CLPB: variants seen among roughly 807,000 people sequenced by gnomAD.
CLPB encodes ClpB family mitochondrial disaggregase, also known as mitochondrial disaggregase.
In CLPB, 40 loss-of-function variants were observed where a neutral mutation model predicts 78.4. The ratio of observed to expected loss-of-function variants is 0.51; its 90% CI spans 0.40 to 0.66. CLPB has a LOEUF of 0.66. Ranked by LOEUF, CLPB falls within the 30% of genes least tolerant of loss-of-function variation. The pLI, the probability that CLPB is intolerant of heterozygous loss-of-function variation, is 0.00. For synonymous variants in CLPB, 333 were observed against 348.0 expected (o/e 0.96, Z 0.48); for missense variants, 780 against 886.9 (o/e 0.88, Z 1.53).
chr11:72,401,588 T>A (rs1855563483), intron 3 of CLPB, among the ~76,000 whole-genome samples: 1 of 152,180 alleles, frequency 6.6e-6, no homozygotes, highest in South Asian at 2.1e-4. Flanking sequence ...TACAGCTAAG[T>A]CTCTCAGTCA....
intron 3 of CLPB, among the ~76,000 whole-genome samples, chr11:72,399,810 T>A (rs1025191807): frequency 5.9e-5 from 9 of 152,212 alleles, no homozygotes; most frequent in African/African-American, 9.6e-5. Context: ...TCAAAGGTGG[T>A]AGCATTTCAG....
At chr11:72,347,062 G>T (rs1950530200) in intron 5 of CLPB, among the ~76,000 whole-genome samples, 1 of 151,882 alleles carries the variant, frequency 6.6e-6, no homozygotes, top group Non-Finnish European at 1.5e-5. Context: ...GAGGGAAAGG[G>T]GTTCTTGCTT....
chr11:72,391,202 T>A (rs1488714523), intron 3 of CLPB, among the ~76,000 whole-genome samples: 1 of 152,094 alleles, frequency 6.6e-6, no homozygotes, highest in African/African-American at 2.4e-5. Flanking sequence ...AACAATGAAC[T>A]CCCTGCAGTA....
At chr11:72,322,313 G>T (rs1950058298) in intron 6 of CLPB, among the ~76,000 whole-genome samples, 1 of 152,106 alleles carries the variant, frequency 6.6e-6, no homozygotes, top group African/African-American at 2.4e-5. Flanking sequence ...TCTGCAAATA[G>T]CTAGGTGGAT....
chr11:72,419,951 T>A (rs1198022935), intron 2 of CLPB, among the ~76,000 whole-genome samples: 1 of 152,262 alleles, frequency 6.6e-6, no homozygotes, highest in African/African-American at 2.4e-5. Context: ...ACTATTTGTT[T>A]AATGAATAAA....
intron 9 of CLPB, among the ~76,000 whole-genome samples, chr11:72,305,589 G>A (rs557501900): frequency 3.3e-5 from 5 of 152,302 alleles, no homozygotes; most frequent in African/African-American, 9.6e-5. Flanking sequence ...TAGAAGCACC[G>A]GAACCTGAAG....
rs1949502889 is a variant in CLPB, at chr11:72,294,094, C to G, written c.1713G>C (p.Trp571Cys). 1 of 1,614,046 alleles carries G rather than the reference C, an allele frequency of 6.2e-7. No homozygotes were observed. The highest frequency in any genetic ancestry group is 1.3e-5 in the African/African-American group (1 of 74,946). The stretch of plus-strand genomic sequence containing the variant: ...CCAGCACATCTGCCACCTCGCGGTC[C>G]CAGAGCAGCGTGATGTTGTGCCTTT... ...AKQRHNITLL[W>C]DREVADVLVD... Residue 571 changes from tryptophan (W) to cysteine (C), a missense_variant, in exon 15 of 16, where the codon TGG (tryptophan) becomes TGC (cysteine). Trp to Cys is a radical substitution (Grantham distance 215, BLOSUM62 -2). Around this residue, in one of 3 missense-constraint regions of CLPB, gnomAD observed 272 missense variants for 304.0 expected, o/e 0.89. Coordinates refer to ENST00000538039, the MANE Select transcript of CLPB (RefSeq NM_001258392.3).
At chr11:72,301,472 C>T (rs1949653702) in intron 11 of CLPB, among the ~76,000 whole-genome samples, 1 of 152,158 alleles carries the variant, frequency 6.6e-6, no homozygotes, top group South Asian at 2.1e-4. Context: ...CAGTGACTTG[C>T]CAAGGCCACA....
intron 4 of CLPB, among the ~76,000 whole-genome samples, chr11:72,365,567 G>A (rs1001495026): frequency 1.3e-5 from 2 of 151,778 alleles, no homozygotes; most frequent in Non-Finnish European, 2.9e-5. Flanking sequence ...AAATGGTGAA[G>A]TGCATATAGA....
intron 1 of CLPB, among the ~76,000 whole-genome samples, chr11:72,431,150 G>A (rs777977177): frequency 4.1e-4 from 63 of 152,224 alleles, no homozygotes; most frequent in Non-Finnish European, 7.6e-4. Context: ...GCAGCCTGCA[G>A]GCTGTTGCCA....
Position 72,424,415 on chromosome 11 carries a change from G to C in CLPB, c.455+5897C>G, listed in dbSNP as rs150335929. On this transcript the variant is annotated intron_variant, in intron 2 of 15. Coordinates refer to ENST00000538039, the MANE Select transcript of CLPB (RefSeq NM_001258392.3). ...TATGTGATACAAAGAACAATGTATA[G>C]CCAAACAATAGCTTGTTATTTTAAT... is the stretch of plus-strand genomic sequence containing the variant. Among the ~76,000 whole-genome samples the C allele has an allele frequency of 2.6e-4, 39 of 152,270 alleles. No individual in the cohort carries two copies. The East Asian group carries it at 7.5e-3, about 29-fold the overall frequency.
intron 1 of CLPB, among the ~76,000 whole-genome samples, chr11:72,433,786 G>C (rs1856618436): frequency 6.6e-6 from 1 of 152,022 alleles, no homozygotes; most frequent in South Asian, 2.1e-4. Context: ...AGAAACATAA[G>C]GGGACCATGC....
chr11:72,406,905 C>T (rs1046500509), intron 2 of CLPB, among the ~76,000 whole-genome samples: 1 of 151,648 alleles, frequency 6.6e-6, no homozygotes, highest in African/African-American at 2.4e-5. Flanking sequence ...TGTGTAGGTA[C>T]GTGTGTGTGT....
At chr11:72,395,557 A>T (rs534540452) in intron 3 of CLPB, among the ~76,000 whole-genome samples, 1 of 152,320 alleles carries the variant, frequency 6.6e-6, no homozygotes, top group Admixed American at 6.5e-5. Context: ...TAGACCCAAC[A>T]TGGGAAGTGC....
intron 4 of CLPB, among the ~76,000 whole-genome samples, chr11:72,365,456 G>C (rs1040795538): frequency 6.6e-6 from 1 of 152,156 alleles, no homozygotes; most frequent in Non-Finnish European, 1.5e-5. Flanking sequence ...ATGAATACGA[G>C]GTCTCTTTAT....
chr11:72,425,658 C>T (rs1466823583), intron 2 of CLPB, among the ~76,000 whole-genome samples: 1 of 152,192 alleles, frequency 6.6e-6, no homozygotes, highest in Admixed American at 6.5e-5. Flanking sequence ...ATGTTCTCCA[C>T]GACCAGGTCG....
At chr11:72,327,787 C>T (rs1196047006) in intron 6 of CLPB, among the ~76,000 whole-genome samples, 2 of 152,178 alleles carry the variant, frequency 1.3e-5, no homozygotes, top group African/African-American at 4.8e-5. Flanking sequence ...GGAAGTTGAC[C>T]TGACCTCCTG....
At chr11:72,381,054 A>C (rs900906814) in intron 3 of CLPB, among the ~76,000 whole-genome samples, 3 of 152,228 alleles carry the variant, frequency 2.0e-5, no homozygotes, top group Non-Finnish European at 4.4e-5. Flanking sequence ...ACAATTATCC[A>C]CATGCAAAAA....
At chr11:72,353,985 A>T (rs1428687834) in intron 5 of CLPB, among the ~76,000 whole-genome samples, 2 of 152,092 alleles carry the variant, frequency 1.3e-5, no homozygotes, top group East Asian at 3.9e-4. Flanking sequence ...AATAACAGAG[A>T]CTATATATAA....
Sources: allele counts gnomAD v4.1 joint callset (sites outside exome capture counted in the v4.1 genomes callset), GRCh38; gene constraint gnomAD v4.1.1; regional missense constraint gnomAD v4.1.1; transcripts MANE v1.5; gene names NCBI Gene and HGNC (gene_info 2026-07-23, HGNC 2026-07-21).